Variants in MIB1 observed in about 807,000 individuals in gnomAD.
The protein encoded by MIB1 is E3 ubiquitin-protein ligase MIB1.
A neutral mutation model predicts 124.5 loss-of-function variants in MIB1; 278 were observed. The observed-to-expected ratio is 2.23, with a 90% CI of 2.02 to 2.47. The LOEUF is 2.47. Ranked by LOEUF, MIB1 falls within the 30% of genes most tolerant of loss-of-function variation. The pLI is 0.00. For missense variants in MIB1, 957 were observed against 1,254.4 expected, an observed-to-expected ratio of 0.76 and a Z score of 3.58; for synonymous variants, 446 against 429.4, an observed-to-expected ratio of 1.04 and a Z score of -0.48.
intron 1 of MIB1, among the ~76,000 whole-genome samples, chr18:21,732,771 G>C (rs1443046988): frequency 1.3e-5 from 2 of 152,184 alleles, no homozygotes. Flanking sequence ...AAGCAGCACT[G>C]TAAGTTGGAT....
chr18:21,715,383 T>C (rs1341862265), intron 1 of MIB1, among the ~76,000 whole-genome samples: 1 of 152,120 alleles, frequency 6.6e-6, no homozygotes, highest in Admixed American at 6.6e-5. Context: ...CCCTAGACTT[T>C]CCCTCTGACA....
chr18:21,784,175 C>T (rs530688794), intron 6 of MIB1, among the ~76,000 whole-genome samples: 67 of 151,726 alleles, frequency 4.4e-4, no homozygotes, highest in African/African-American at 1.5e-3. Context: ...CAGCCTCCCG[C>T]GTAGCTGGGA....
chr18:21,764,864 C>G (rs2041139016), intron 1 of MIB1, among the ~76,000 whole-genome samples: 1 of 152,074 alleles, frequency 6.6e-6, no homozygotes, highest in Non-Finnish European at 1.5e-5. Flanking sequence ...GAGAGTGTCA[C>G]TTTTGGACAG....
chr18:21,859,795 A>G (rs962107809), intron 20 of MIB1, among the ~76,000 whole-genome samples: 1 of 146,538 alleles, frequency 6.8e-6, no homozygotes, highest in Non-Finnish European at 1.5e-5. Flanking sequence ...TGGCTGAGTC[A>G]GGAGAGTCGC....
At position 21,854,539 on chromosome 18, in the gene MIB1, C is replaced by A. The variant is rs1286073215; in HGVS notation, c.2665+1321C>A. ...TTAGTTGTTCACACAGATTCTAGAG[C>A]CTTAATATAATATTTCCCCCCAGGA... is the stretch of plus-strand genomic sequence containing the variant. On this transcript the variant is annotated intron_variant, in intron 18 of 20. Transcript: ENST00000261537. The A allele has an allele frequency of 1.9e-5, 3 of 157,410 alleles. No homozygotes were observed. The Admixed American group carries it at 2.0e-4, about 10-fold the overall frequency. The allele number at this position is 157,410 out of a possible 1,614,324, so 9.8% of individuals were successfully genotyped here.
intron 11 of MIB1, 75 bp downstream of exon 11, chr18:21,815,888 A>G: frequency 7.6e-7 from 1 of 1,318,474 alleles, no homozygotes. Flanking sequence ...GTTCTATGGT[A>G]AGCATTCCTT....
chr18:21,864,430 G>C (rs1023165545), intron 20 of MIB1, 96 bp from the exon 21 acceptor site: 3 of 983,898 alleles, frequency 3.0e-6, no homozygotes, highest in Non-Finnish European at 4.5e-6. Flanking sequence ...AATATTATTT[G>C]ACTAAAACAA....
chr18:21,751,152 A>G (rs1056093239), intron 1 of MIB1, among the ~76,000 whole-genome samples: 1 of 152,116 alleles, frequency 6.6e-6, no homozygotes. Flanking sequence ...CAGTGAGCTG[A>G]GATCATGTTA....
chr18:21,870,364 C>T lies in MIB1; in HGVS notation c.*5698C>T, dbSNP rs1388726959. ...CATAAGTGTCCACATCTAGAAGGCT[C>T]TCATTGCAGTTGTTTACAGTTAAGG... On this transcript the variant is annotated 3_prime_UTR_variant, in exon 21 of 21. Transcript: ENST00000261537. The T allele has an allele frequency of 6.6e-6, 1 of 152,130 alleles. No individual in the cohort carries two copies. The highest frequency in any genetic ancestry group is 6.5e-5 in the Admixed American group (1 of 15,272). The allele number at this position is 152,130 out of a possible 1,614,324, so 9.4% of individuals were successfully genotyped here. A position where few individuals can be genotyped will look rare whatever the true frequency, so the allele number is the denominator to read the frequency against.
At chr18:21,815,365 C>T (rs2041820857) in intron 10 of MIB1, among the ~76,000 whole-genome samples, 6 of 151,726 alleles carry the variant, frequency 4.0e-5, no homozygotes, top group Admixed American at 3.3e-4. Context: ...GCTATGTTGC[C>T]CAGATTGGTA....
intron 1 of MIB1, among the ~76,000 whole-genome samples, chr18:21,719,750 C>T (rs1312591354): frequency 1.3e-5 from 2 of 151,864 alleles, no homozygotes; most frequent in African/African-American, 4.8e-5. Flanking sequence ...AGCCACTGTG[C>T]CCGGCCCTTT....
chr18:21,729,650 C>T (rs559650115), intron 1 of MIB1, among the ~76,000 whole-genome samples: 9 of 152,172 alleles, frequency 5.9e-5, no homozygotes, highest in Admixed American at 1.3e-4. Context: ...CAACCATGCC[C>T]GGCTAAGTTT....
chr18:21,869,947 C>T lies in MIB1; in HGVS notation c.*5281C>T, dbSNP rs1219428575. The T allele has an allele frequency of 6.6e-6, 1 of 152,198 alleles. No homozygotes were observed. The highest frequency in any genetic ancestry group is 2.4e-5 in the African/African-American group (1 of 41,452). 9.4% of individuals were successfully genotyped at this position (152,198 alleles called of 1,614,324 possible). A position where few individuals can be genotyped will look rare whatever the true frequency, so the allele number is the denominator to read the frequency against. On this transcript the variant is annotated 3_prime_UTR_variant, in exon 21 of 21. Transcript: ENST00000261537. ...CAGTATGTTTATGTCATTCTAAATG[C>T]AGCAAATTCAATGATAGCAGTTCAA...
intron 20 of MIB1, among the ~76,000 whole-genome samples, chr18:21,862,230 T>C (rs1281362037): frequency 6.6e-6 from 1 of 152,180 alleles, no homozygotes; most frequent in African/African-American, 2.4e-5. Flanking sequence ...TGGGATTTTC[T>C]ATAGCTTTGC....
At chr18:21,714,361 G>C (rs2040679266) in intron 1 of MIB1, among the ~76,000 whole-genome samples, 1 of 152,204 alleles carries the variant, frequency 6.6e-6, no homozygotes. Context: ...CATGCTGGGA[G>C]TAGGGAGGAT....
At chr18:21,769,222 T>C (rs967832767) in intron 3 of MIB1, among the ~76,000 whole-genome samples, 1 of 151,988 alleles carries the variant, frequency 6.6e-6, no homozygotes, top group African/African-American at 2.4e-5. Context: ...GTTTTAGGAG[T>C]AGGTCAAAGC....
At chr18:21,839,488 CT>C (rs886589311) in intron 13 of MIB1, among the ~76,000 whole-genome samples, 2 of 152,070 alleles carry the variant, frequency 1.3e-5, no homozygotes, top group African/African-American at 4.8e-5. Flanking sequence ...TGTTCTAGAT[CT>C]TTTGCATTTG....
intron 1 of MIB1, among the ~76,000 whole-genome samples, chr18:21,706,206 C>T (rs1345786272): frequency 3.3e-5 from 5 of 152,124 alleles, no homozygotes; most frequent in Non-Finnish European, 7.4e-5. Context: ...CTCAGCCTCC[C>T]GAGTACCTGG....
Position 21,853,367 on chromosome 18 carries a change from A to G in MIB1, c.2665+149A>G, listed in dbSNP as rs2042198406. On this transcript the variant is annotated intron_variant, in intron 18 of 20. Transcript: ENST00000261537. ...GAGTACCTTCTATTTCTTTCTCTGT[A>G]CTAGAACGTCAGCTGTTTCCCTCCA... 17 of 609,152 alleles carry G rather than the reference A, an allele frequency of 2.8e-5. No homozygotes were observed. In the South Asian group the frequency reaches 3.5e-4, roughly 13 times the overall value. 37.7% of individuals were successfully genotyped at this position (609,152 alleles called of 1,614,324 possible).
Sources: allele counts gnomAD v4.1 joint callset (sites outside exome capture counted in the v4.1 genomes callset), GRCh38; gene constraint gnomAD v4.1.1; transcripts MANE v1.5; gene names NCBI Gene and HGNC (gene_info 2026-07-23, HGNC 2026-07-21).